Variants in CCSER1 observed in about 807,000 individuals in gnomAD.
The protein encoded by CCSER1 is serine-rich coiled-coil domain-containing protein 1.
CCSER1 carries 41 observed loss-of-function variants against 82.0 expected under a neutral mutation model. That is an observed-to-expected ratio of 0.50 (90% CI 0.39 to 0.65). The LOEUF (loss-of-function observed/expected upper bound fraction) is 0.65. CCSER1 is among the 30% of genes least tolerant of loss of function. The pLI, the probability that CCSER1 is intolerant of heterozygous loss-of-function variation, is 0.00. For synonymous variants in CCSER1, 414 were observed against 383.9 expected, an observed-to-expected ratio of 1.08 and a Z score of -0.92; for missense variants, 1,119 against 1,064.2, an observed-to-expected ratio of 1.05 and a Z score of -0.72.
intron 7 of CCSER1, among the ~76,000 whole-genome samples, chr4:90,729,446 A>G (rs1744305109): frequency 6.6e-6 from 1 of 152,222 alleles, no homozygotes; most frequent in Non-Finnish European, 1.5e-5. Context: ...GATTCCTCTT[A>G]TGAAAAATGA....
chr4:90,729,152 T>G (rs530420469), intron 7 of CCSER1, among the ~76,000 whole-genome samples: 1 of 152,290 alleles, frequency 6.6e-6, no homozygotes, highest in Non-Finnish European at 1.5e-5. Flanking sequence ...TTAAACAAGT[T>G]AATAAATGAA....
chr4:90,276,513 C>T (rs11944606), intron 1 of CCSER1, among the ~76,000 whole-genome samples: 7,335 of 151,242 alleles, frequency 0.048, 466 homozygotes, highest in African/African-American at 0.15. Flanking sequence ...GCCCAGCTAA[C>T]TTTTGTATTT....
intron 10 of CCSER1, among the ~76,000 whole-genome samples, chr4:91,405,743 A>G (rs1752658837): frequency 6.6e-6 from 1 of 152,158 alleles, no homozygotes; most frequent in Non-Finnish European, 1.5e-5. Context: ...GTATTAGGGT[A>G]AGAGTGTCCG....
chr4:90,272,346 A>G (rs1726694137), intron 1 of CCSER1, among the ~76,000 whole-genome samples: 1 of 152,174 alleles, frequency 6.6e-6, no homozygotes, highest in Non-Finnish European at 1.5e-5. Context: ...ACAAATTAAA[A>G]CTGCAAAGAT....
chr4:90,456,915 C>T (rs942400269), intron 4 of CCSER1, among the ~76,000 whole-genome samples: 2 of 152,270 alleles, frequency 1.3e-5, no homozygotes, highest in South Asian at 4.1e-4. Flanking sequence ...GTGCCTTTGC[C>T]CAAGTTTTGC....
rs1747996042 is a variant in CCSER1, at chr4:91,345,505, TTTC to T, written c.2218-253064_2218-253062del. ...GTAAACCTTTGCAACAAATTGGACT[TTTC>T]TTTTTTAATTAATAGATTTTATTTT... On this transcript the variant is annotated intron_variant, in intron 10 of 10. Coordinates refer to ENST00000509176, the MANE Select transcript of CCSER1 (RefSeq NM_001145065.2). 5.3e-5 allele frequency among the ~76,000 whole-genome samples: 8 copies of T among 152,232 alleles called. No individual in the cohort carries two copies. The South Asian group carries it at 1.7e-3, about 32-fold the overall frequency.
At chr4:90,450,943 G>C (rs1381447925) in intron 4 of CCSER1, among the ~76,000 whole-genome samples, 1 of 152,108 alleles carries the variant, frequency 6.6e-6, no homozygotes, top group Non-Finnish European at 1.5e-5. Context: ...CATTTTGAAG[G>C]GACTTAAATC....
chr4:90,409,659 C>T (rs1031229833), intron 4 of CCSER1, among the ~76,000 whole-genome samples: 4 of 152,126 alleles, frequency 2.6e-5, no homozygotes, highest in African/African-American at 9.7e-5. Flanking sequence ...ACAACTGGTA[C>T]CAGCCACTGC....
At chr4:91,559,065 G>A (rs920406543) in intron 10 of CCSER1, among the ~76,000 whole-genome samples, 3 of 151,282 alleles carry the variant, frequency 2.0e-5, no homozygotes, top group Non-Finnish European at 4.4e-5. Context: ...ACTACTATAA[G>A]TTTACCTTAC....
At position 90,140,246 on chromosome 4, in the gene CCSER1, A is replaced by G. The variant is rs371562241; in HGVS notation, c.-42+12415A>G. 3.5e-4 allele frequency among the ~76,000 whole-genome samples: 53 copies of G among 152,312 alleles called. 1 individual carries two copies. The highest frequency in any genetic ancestry group is 1.2e-3 in the African/African-American group (50 of 41,568). ...TCAAGAGTTAGCATGTGTGCGCAAA[A>G]TTTAGGTGTTTTGTAGTGAAACTTA... On this transcript the variant is annotated intron_variant, in intron 1 of 10. Transcript: ENST00000509176.
intron 10 of CCSER1, among the ~76,000 whole-genome samples, chr4:91,308,557 A>G (rs1422225737): frequency 6.6e-6 from 1 of 151,448 alleles, no homozygotes; most frequent in African/African-American, 2.4e-5. Flanking sequence ...TATGCCACAT[A>G]TTTTCATAGA....
intron 3 of CCSER1, chr4:90,370,155 A>G (rs1163323974): frequency 1.3e-5 from 2 of 152,124 alleles, no homozygotes; most frequent in African/African-American, 4.8e-5. Context: ...GACATCTGCC[A>G]CCACATTGAC....
At chr4:91,541,494 T>C (rs979279405) in intron 10 of CCSER1, among the ~76,000 whole-genome samples, 2 of 152,200 alleles carry the variant, frequency 1.3e-5, no homozygotes, top group African/African-American at 4.8e-5. Context: ...TTTCTGTCCT[T>C]GCAATAGTTT....
chr4:90,309,874 T>A (rs1211959303), intron 2 of CCSER1, among the ~76,000 whole-genome samples: 1 of 152,112 alleles, frequency 6.6e-6, no homozygotes, highest in Non-Finnish European at 1.5e-5. Context: ...GCCTCTTAGT[T>A]ACGGTGTTTA....
chr4:91,285,026 C>T (rs1743176546), intron 10 of CCSER1, among the ~76,000 whole-genome samples: 1 of 151,818 alleles, frequency 6.6e-6, no homozygotes. Flanking sequence ...GCAGACAGAA[C>T]TGCTAATGTG....
At chr4:90,580,981 T>C (rs2148634853) in intron 5 of CCSER1, among the ~76,000 whole-genome samples, 1 of 152,336 alleles carries the variant, frequency 6.6e-6, no homozygotes, top group Non-Finnish European at 1.5e-5. Flanking sequence ...CCTTTTTACT[T>C]ATACTTCCTC....
intron 10 of CCSER1, among the ~76,000 whole-genome samples, chr4:91,417,169 G>T (rs1753416590): frequency 1.3e-5 from 2 of 152,068 alleles, no homozygotes; most frequent in African/African-American, 4.8e-5. Flanking sequence ...ACCATATCAT[G>T]CCAGTGAGTA....
chr4:90,302,625 ACT>A (rs1560982216), intron 1 of CCSER1, among the ~76,000 whole-genome samples: 1 of 151,952 alleles, frequency 6.6e-6, no homozygotes, highest in Non-Finnish European at 1.5e-5. Context: ...ACATAGCAAG[ACT>A]CTGTCTCTAT....
At chr4:90,495,787 C>G (rs1204316530) in intron 5 of CCSER1, among the ~76,000 whole-genome samples, 1 of 152,092 alleles carries the variant, frequency 6.6e-6, no homozygotes, top group Non-Finnish European at 1.5e-5. Context: ...CACATTTATA[C>G]AGTTTGGGGT....
Sources: allele counts gnomAD v4.1 joint callset (sites outside exome capture counted in the v4.1 genomes callset), GRCh38; gene constraint gnomAD v4.1.1; transcripts MANE v1.5; gene names NCBI Gene and HGNC (gene_info 2026-07-23, HGNC 2026-07-21).